FSTL4: variants seen among roughly 807,000 people sequenced by gnomAD.
FSTL4 encodes follistatin-related protein 4.
FSTL4 carries 28 observed loss-of-function variants against 78.2 expected under a neutral mutation model. That is an observed-to-expected ratio of 0.36 (90% confidence interval 0.27 to 0.49). The LOEUF is 0.49. Ranked by LOEUF, FSTL4 falls within the 20% of genes least tolerant of loss-of-function variation. The probability of loss-of-function intolerance (pLI) is 0.98; values close to 1 mark genes in which losing one functional copy is unlikely to be tolerated. For missense variants in FSTL4, 922 were observed against 1,084.9 expected, an observed-to-expected ratio of 0.85 and a Z score of 2.11; for synonymous variants, 422 against 440.5, an observed-to-expected ratio of 0.96 and a Z score of 0.53.
intron 3 of FSTL4, among the ~76,000 whole-genome samples, chr5:133,459,237 C>G (rs1314434220): frequency 6.6e-6 from 1 of 152,088 alleles, no homozygotes; most frequent in East Asian, 1.9e-4. Context: ...AAACAAAGAG[C>G]AAAGCAAACC....
the FSTL4 span, among the ~76,000 whole-genome samples, chr5:133,647,929 G>A: frequency 2.8e-4 from 42 of 152,242 alleles, no homozygotes; most frequent in Middle Eastern, 6.8e-3. Context: ...ATGGATGCAG[G>A]TCTTTCCCGT....
the FSTL4 span, among the ~76,000 whole-genome samples, chr5:133,809,927 T>C: frequency 1.3e-5 from 2 of 152,250 alleles, no homozygotes; most frequent in African/African-American, 4.8e-5. Context: ...GGGAATATCA[T>C]GATGCACAAA....
chr5:133,530,677 G>C (rs1759232446), intron 3 of FSTL4, among the ~76,000 whole-genome samples: 1 of 152,206 alleles, frequency 6.6e-6, no homozygotes, highest in Non-Finnish European at 1.5e-5. Context: ...CTGTGTGGCT[G>C]TGCCACTTTT....
chr5:133,426,347 G>A lies in FSTL4; in HGVS notation c.161-25361C>T, dbSNP rs901667414. Reference sequence around the variant, plus strand: ...TGGCTCTCCTGGGCTGTGCTGACCCGCAGGACCAGTGGCTTGGGTCTCCTG... The same window carrying A: ...TGGCTCTCCTGGGCTGTGCTGACCCACAGGACCAGTGGCTTGGGTCTCCTG... On this transcript the variant is annotated intron_variant, in intron 3 of 15. Transcript: ENST00000265342. This position sits in a 1 kb window ranked among gnomAD's most constrained non-coding sequence, Gnocchi z 5.0. Among the ~76,000 whole-genome samples the A allele has an allele frequency of 2.8e-4, 42 of 152,258 alleles. No individual in the cohort carries two copies. The highest frequency in any genetic ancestry group is 1.9e-3 in the Admixed American group (29 of 15,296).
chr5:133,653,092 A>G, the FSTL4 span, among the ~76,000 whole-genome samples: 13 of 152,174 alleles, frequency 8.5e-5, 1 homozygote, highest in East Asian at 9.6e-4. Flanking sequence ...ACATACACCT[A>G]CATGCACATA....
chr5:133,324,463 ACTCCTT>A (rs1015242169), intron 4 of FSTL4, among the ~76,000 whole-genome samples: 12 of 151,924 alleles, frequency 7.9e-5, no homozygotes, highest in Non-Finnish European at 1.8e-4. Flanking sequence ...TTCTTCACCA[ACTCCTT>A]CAGCCTCCCT....
chr5:133,622,035 C>G, the FSTL4 span, among the ~76,000 whole-genome samples: 3 of 151,980 alleles, frequency 2.0e-5, no homozygotes, highest in African/African-American at 7.2e-5. Flanking sequence ...GCCCATCCCA[C>G]CTCCCTTCTC....
chr5:133,511,516 C>A (rs1033438219), intron 3 of FSTL4, among the ~76,000 whole-genome samples: 1 of 152,276 alleles, frequency 6.6e-6, no homozygotes, highest in African/African-American at 2.4e-5. Flanking sequence ...GCTGTGACCA[C>A]GTCTAACTGG....
intron 3 of FSTL4, among the ~76,000 whole-genome samples, chr5:133,404,013 G>T (rs1756297852): frequency 6.6e-6 from 1 of 152,196 alleles, no homozygotes; most frequent in African/African-American, 2.4e-5. Flanking sequence ...GGAAACACTG[G>T]TGCCAACCTG....
At chr5:133,686,905 C>G in the FSTL4 span, among the ~76,000 whole-genome samples, 1 of 152,182 alleles carries the variant, frequency 6.6e-6, no homozygotes, top group Non-Finnish European at 1.5e-5. Flanking sequence ...GGGGAGCAGC[C>G]AGGCATGGAA....
At chr5:133,712,900 G>A in the FSTL4 span, among the ~76,000 whole-genome samples, 1 of 152,176 alleles carries the variant, frequency 6.6e-6, no homozygotes, top group Non-Finnish European at 1.5e-5. Flanking sequence ...TGTGATTCTT[G>A]TAGCCATCCT....
the FSTL4 span, among the ~76,000 whole-genome samples, chr5:133,728,792 T>C: frequency 6.7e-6 from 1 of 149,230 alleles, no homozygotes; most frequent in East Asian, 2.0e-4. Context: ...TTGTGAGCAA[T>C]GTATATCAGA....
intron 2 of FSTL4, among the ~76,000 whole-genome samples, chr5:133,569,121 C>A (rs564099639): frequency 6.6e-6 from 1 of 152,168 alleles, no homozygotes; most frequent in South Asian, 2.1e-4. Flanking sequence ...TATTTTATAA[C>A]CAGCTTCTTG....
At chr5:133,625,183 T>C in the FSTL4 span, among the ~76,000 whole-genome samples, 30 of 151,772 alleles carry the variant, frequency 2.0e-4, no homozygotes, top group African/African-American at 7.0e-4. Context: ...CTGGAAAAGA[T>C]AAGTGTAGAA....
chr5:133,537,290 G>C (rs1002871335), intron 3 of FSTL4, among the ~76,000 whole-genome samples: 3 of 152,028 alleles, frequency 2.0e-5, no homozygotes, highest in Non-Finnish European at 4.4e-5. Context: ...CTTCAACAAA[G>C]TTTCATAATT....
chr5:133,350,598 G>C (rs780176796), intron 4 of FSTL4, among the ~76,000 whole-genome samples: 47 of 152,316 alleles, frequency 3.1e-4, no homozygotes, highest in African/African-American at 1.1e-3. Flanking sequence ...TAACAGGTAC[G>C]ATCCACATAA....
chr5:133,264,862 T>C (rs1163025506), intron 6 of FSTL4, among the ~76,000 whole-genome samples: 1 of 152,158 alleles, frequency 6.6e-6, no homozygotes, highest in African/African-American at 2.4e-5. Flanking sequence ...CCATGGCAAA[T>C]TGCTTCTCAG....
At chr5:133,290,826 C>T (rs1304548396) in intron 6 of FSTL4, among the ~76,000 whole-genome samples, 1 of 152,248 alleles carries the variant, frequency 6.6e-6, no homozygotes, top group African/African-American at 2.4e-5. Context: ...CGCGGTCCCT[C>T]GCCTGCAATG....
the FSTL4 span, among the ~76,000 whole-genome samples, chr5:133,798,520 A>T: frequency 5.1e-5 from 4 of 78,100 alleles, no homozygotes; most frequent in East Asian, 2.3e-4. Flanking sequence ...AAAAAAACTT[A>T]AAAAAAAAAA....
Sources: gnomAD v4.1 joint callset for allele counts (sites outside exome capture counted in the v4.1 genomes callset) on GRCh38, gnomAD v4.1.1 for gene constraint, Gnocchi (gnomAD v3.1) non-coding constraint, MANE v1.5 for transcripts, NCBI Gene and HGNC (gene_info 2026-07-23, HGNC 2026-07-21) for gene names.